Variants in DCDC1 observed in about 807,000 individuals in gnomAD.
The protein encoded by DCDC1 is doublecortin domain-containing protein 1.
A neutral mutation model predicts 178.3 loss-of-function variants in DCDC1; 200 were observed. The ratio of observed to expected loss-of-function variants is 1.12; its 90% CI spans 1.00 to 1.26. DCDC1 has a LOEUF of 1.26. Among genes scored for constraint, DCDC1 ranks in the 50% most tolerant of loss-of-function variants. The pLI is 0.00. For missense variants in DCDC1, 1,983 were observed against 1,749.2 expected, an observed-to-expected ratio of 1.13 and a Z score of -2.38; for synonymous variants, 690 against 604.8, an observed-to-expected ratio of 1.14 and a Z score of -2.07.
intron 8 of DCDC1, among the ~76,000 whole-genome samples, chr11:31,247,795 T>C (rs1943678731): frequency 6.6e-6 from 1 of 152,092 alleles, no homozygotes; most frequent in African/African-American, 2.4e-5. Flanking sequence ...TGGGATTCTA[T>C]TGTCTGATCT....
At chr11:31,171,506 A>C (rs1216514041) in intron 9 of DCDC1, among the ~76,000 whole-genome samples, 1 of 152,210 alleles carries the variant, frequency 6.6e-6, no homozygotes, top group East Asian at 1.9e-4. Flanking sequence ...GATACACCAT[A>C]TCTCTTCACT....
At chr11:31,259,120 G>A (rs1050366895) in intron 8 of DCDC1, among the ~76,000 whole-genome samples, 1 of 152,088 alleles carries the variant, frequency 6.6e-6, no homozygotes. Context: ...GGAGGCCAAG[G>A]CAGGCAGATC....
intron 29 of DCDC1, among the ~76,000 whole-genome samples, chr11:30,908,053 AG>A (rs945498223): frequency 3.9e-5 from 6 of 152,172 alleles, no homozygotes; most frequent in Non-Finnish European, 8.8e-5. Context: ...TTGAAACAAG[AG>A]GGCAACATTA....
rs1372224439 is a variant in DCDC1, at chr11:30,985,800, G to C, written c.2592-33232C>G. 2.6e-5 allele frequency among the ~76,000 whole-genome samples: 4 copies of C among 152,158 alleles called. No homozygotes were observed. The East Asian group carries it at 7.7e-4, about 29-fold the overall frequency. ...AGCCACAGTGCTTCTATCAAGAGAG[G>C]ACCATGAGAACATGGCAATCAACAT... On this transcript the variant is annotated intron_variant, in intron 20 of 38. Coordinates refer to ENST00000684477, the MANE Select transcript of DCDC1 (RefSeq NM_001387274.1).
intron 9 of DCDC1, among the ~76,000 whole-genome samples, chr11:31,142,808 T>C (rs1042933580): frequency 2.6e-5 from 4 of 152,162 alleles, no homozygotes; most frequent in Non-Finnish European, 5.9e-5. Context: ...TCCAGGTTTA[T>C]AATTAAGCTG....
intron 9 of DCDC1, among the ~76,000 whole-genome samples, chr11:31,162,457 G>C (rs1966395459): frequency 6.6e-6 from 1 of 152,046 alleles, no homozygotes; most frequent in Non-Finnish European, 1.5e-5. Flanking sequence ...GACACCTATA[G>C]TTTGAATAAT....
intron 1 of DCDC1, among the ~76,000 whole-genome samples, chr11:31,361,159 C>T (rs968294050): frequency 1.3e-5 from 2 of 152,112 alleles, no homozygotes; most frequent in African/African-American, 4.8e-5. Flanking sequence ...AAAATGCAAA[C>T]ACATACAATT....
At position 31,250,421 on chromosome 11, in the gene DCDC1, C is replaced by CATATATATATATATATACATAT; in HGVS notation, c.1055-8806_1055-8805insATATGTATATATATATATATAT. Among the ~76,000 whole-genome samples, 4 of 52,958 alleles carry CATATATATATATATATACATAT rather than the reference C, an allele frequency of 7.6e-5. 1 individual carries two copies. Among genetic ancestry groups the CATATATATATATATATACATAT allele is most frequent in the South Asian group, 1.7e-3 (2 of 1,148 alleles). 34.7% of individuals were successfully genotyped at this position (52,958 alleles called of 152,430 possible). On this transcript the variant is annotated intron_variant, in intron 8 of 38. Transcript: ENST00000684477. ...ACACACACACACACACACACATATA[C>CATATATATATATATATACATAT]ATATATATGTATATATATATATATC... is the stretch of plus-strand genomic sequence containing the variant.
At chr11:31,232,002 C>T (rs1975829518) in intron 9 of DCDC1, among the ~76,000 whole-genome samples, 1 of 152,188 alleles carries the variant, frequency 6.6e-6, no homozygotes, top group African/African-American at 2.4e-5. Flanking sequence ...ACTATCCAAC[C>T]ACGTTAGGAT....
intron 16 of DCDC1, 60 bp downstream of exon 16, chr11:31,093,990 A>G (rs774452255): frequency 8.1e-6 from 6 of 738,996 alleles, no homozygotes; most frequent in East Asian, 2.5e-5. Context: ...GGTGCCAGCA[A>G]GTGCCGTGAG....
chr11:31,137,620 T>C, intron 10 of DCDC1, 72 bp downstream of exon 10: 1 of 663,676 alleles, frequency 1.5e-6, no homozygotes, highest in Non-Finnish European at 2.7e-6. Flanking sequence ...AGTGCGGGGA[T>C]TACAGGCGTA....
At chr11:30,914,434 G>A (rs1386787789) in intron 27 of DCDC1, among the ~76,000 whole-genome samples, 1 of 152,180 alleles carries the variant, frequency 6.6e-6, no homozygotes, top group Non-Finnish European at 1.5e-5. Flanking sequence ...TGAGAAGCCA[G>A]TGAAAATCTC....
intron 8 of DCDC1, among the ~76,000 whole-genome samples, chr11:31,257,743 C>T (rs1041766466): frequency 2.6e-4 from 40 of 151,632 alleles, no homozygotes; most frequent in African/African-American, 8.2e-4. Context: ...CATACACACA[C>T]GCTAAAACCT....
chr11:31,106,834 C>T lies in DCDC1; in HGVS notation c.1714G>A (p.Glu572Lys), dbSNP rs1378188588. The change falls in exon 13 of 39, where the codon GAG (glutamate) becomes AAG (lysine). Residue 572 changes from glutamate (E) to lysine (K), a missense_variant. Transcript: ENST00000684477. ...EIKNPLSLKN[E>K]QKIWVSYGRA... ...CCATAAGAGACCCAAATTTTTTGCT[C>T]ATTCTTCAGCGAAAGTGGATTCTTA... 1.3e-6 allele frequency: 1 copy of T among 766,094 alleles called. No homozygotes were observed. Among genetic ancestry groups the T allele is most frequent in the Non-Finnish European group, 2.4e-6 (1 of 417,764 alleles). The allele number at this position is 766,094 out of a possible 1,614,324, so 47.5% of individuals were successfully genotyped here.
At chr11:30,956,614 T>C (rs1342342767) in intron 20 of DCDC1, among the ~76,000 whole-genome samples, 1 of 152,126 alleles carries the variant, frequency 6.6e-6, no homozygotes, top group East Asian at 1.9e-4. Context: ...TTATAATATA[T>C]ATTACTTTTA....
chr11:31,283,721 G>C (rs2137309788), intron 7 of DCDC1, among the ~76,000 whole-genome samples: 1 of 152,120 alleles, frequency 6.6e-6, no homozygotes, highest in East Asian at 1.9e-4. Flanking sequence ...CTAATTAGCT[G>C]TTCTTTTCCT....
intron 1 of DCDC1, among the ~76,000 whole-genome samples, chr11:31,343,833 T>A (rs919510758): frequency 1.3e-5 from 2 of 151,868 alleles, no homozygotes; most frequent in Admixed American, 6.6e-5. Context: ...GGGAGGAGAA[T>A]CGCTTGAACC....
chr11:31,213,246 A>G (rs1489614862), intron 9 of DCDC1, among the ~76,000 whole-genome samples: 1 of 149,252 alleles, frequency 6.7e-6, no homozygotes, highest in African/African-American at 2.5e-5. Flanking sequence ...CTGGTTGGAT[A>G]TTTTCTATTC....
intron 9 of DCDC1, among the ~76,000 whole-genome samples, chr11:31,231,438 G>A (rs186741086): frequency 9.3e-4 from 142 of 152,240 alleles, no homozygotes; most frequent in South Asian, 1.0e-3. Context: ...ATAGACTCAG[G>A]ATGAGGAAGA....
Sources: gnomAD v4.1 joint callset for allele counts (sites outside exome capture counted in the v4.1 genomes callset) on GRCh38, gnomAD v4.1.1 for gene constraint, MANE v1.5 for transcripts, NCBI Gene and HGNC (gene_info 2026-07-23, HGNC 2026-07-21) for gene names.